TMEM245: variants seen among roughly 807,000 people sequenced by gnomAD.
TMEM245 encodes transmembrane protein 245, also known as protein CG-2.
Under a neutral mutation model 101.2 loss-of-function variants are expected in TMEM245, and 69 were observed. The ratio of observed to expected loss-of-function variants is 0.68; its 90% confidence interval spans 0.56 to 0.83. TMEM245 has a LOEUF of 0.83. Ranked by LOEUF, TMEM245 falls within the 40% of genes least tolerant of loss-of-function variation. TMEM245 has a pLI of 0.00. For synonymous variants in TMEM245, 537 were observed against 449.8 expected (o/e 1.19, Z -2.45); for missense variants, 1,075 against 1,092.8 (o/e 0.98, Z 0.23).
chr9:109,038,497 G>T (rs544573926), intron 14 of TMEM245: 33 of 167,888 alleles, frequency 2.0e-4, no homozygotes, highest in Non-Finnish European at 3.2e-4. Context: ...ATGTTTCCAA[G>T]AATACAGTTT....
At chr9:109,025,871 A>G (rs1413810651) in intron 17 of TMEM245, among the ~76,000 whole-genome samples, 1 of 152,252 alleles carries the variant, frequency 6.6e-6, no homozygotes, top group African/African-American at 2.4e-5. Context: ...TATCCACTAC[A>G]TTCTCACTAT....
At chr9:109,090,901 C>A in intron 5 of TMEM245, 21 bp downstream of exon 5, 1 of 1,602,028 alleles carries the variant, frequency 6.2e-7, no homozygotes, top group South Asian at 1.1e-5. Context: ...AAGACGAGAT[C>A]GTACTTAACC....
Position 109,038,111 on chromosome 9 carries a change from C to T in TMEM245, c.2130G>A (p.Val710=), listed in dbSNP as rs1828193294. The change falls in exon 15 of 18, where the codon GTG becomes GTA. Residue 710 remains valine (V), a synonymous_variant. Transcript: ENST00000374586. ...CAGCCATTTTGAGGGAAGCATCAAA[C>T]ACCCCTCTGGAATGCCCAAAGATAA... The part of the protein sequence containing the change: ...GQSVEEAIRG[V]FDASLKMAGF... 1.2e-6 allele frequency: 2 copies of T among 1,612,290 alleles called. No homozygotes were observed. Among genetic ancestry groups the T allele is most frequent in the Non-Finnish European group, 1.7e-6 (2 of 1,179,072 alleles).
intron 14 of TMEM245, 133 bp from the exon 15 acceptor site, chr9:109,038,250 C>T: frequency 1.9e-6 from 1 of 522,974 alleles, no homozygotes; most frequent in South Asian, 3.6e-5. Context: ...ATGCTATTTT[C>T]ATTTTATTTC....
At chr9:109,052,959 GA>G (rs1417144120) in intron 12 of TMEM245, among the ~76,000 whole-genome samples, 2 of 152,052 alleles carry the variant, frequency 1.3e-5, no homozygotes, top group Non-Finnish European at 2.9e-5. Context: ...AAAAGAAAGG[GA>G]ATCAACTGGA....
At chr9:109,024,867 G>A (rs1827749027) in intron 17 of TMEM245, among the ~76,000 whole-genome samples, 1 of 152,234 alleles carries the variant, frequency 6.6e-6, no homozygotes, top group Non-Finnish European at 1.5e-5. Flanking sequence ...TATCTTGAAG[G>A]CCATGGGAAG....
intron 17 of TMEM245, among the ~76,000 whole-genome samples, chr9:109,025,384 G>T (rs866028859): frequency 6.6e-5 from 10 of 152,164 alleles, no homozygotes; most frequent in South Asian, 2.1e-4. Context: ...ACTCATTTTT[G>T]ATTGTACTTT....
chr9:109,066,748 T>C (rs768788081), intron 9 of TMEM245, among the ~76,000 whole-genome samples: 1 of 151,868 alleles, frequency 6.6e-6, no homozygotes, highest in African/African-American at 2.4e-5. Context: ...CACTCTCCTG[T>C]AGTGTTATTC....
Position 109,033,290 on chromosome 9 carries a change from A to G in TMEM245, c.2594+17T>C. 6.3e-7 allele frequency: 1 copy of G among 1,579,678 alleles called. No individual in the cohort carries two copies. The highest frequency in any genetic ancestry group is 2.2e-5 in the East Asian group (1 of 44,654). ...CAATGTATAAATACAGCTTATGATT[A>G]TTCTGCTTTAACTCACCGCTGAGGC... On this transcript the variant is annotated intron_variant, in intron 17 of 17. Transcript: ENST00000374586.
intron 3 of TMEM245, among the ~76,000 whole-genome samples, chr9:109,104,242 A>T (rs1017741032): frequency 2.6e-5 from 4 of 152,186 alleles, no homozygotes; most frequent in African/African-American, 7.2e-5. Context: ...TGGATACCCC[A>T]TTTTACTTGA....
At chr9:109,050,189 A>G in intron 14 of TMEM245, 94 bp downstream of exon 14, 2 of 1,427,160 alleles carry the variant, frequency 1.4e-6, no homozygotes, top group Admixed American at 3.8e-5. Context: ...CGAGTTTAGC[A>G]CTGAATGTTA....
chr9:109,081,913 TG>T (rs1829676466), intron 7 of TMEM245, among the ~76,000 whole-genome samples: 1 of 152,074 alleles, frequency 6.6e-6, no homozygotes, highest in African/African-American at 2.4e-5. Context: ...AATATATACT[TG>T]ATAGATTGCT....
intron 9 of TMEM245, among the ~76,000 whole-genome samples, chr9:109,071,961 T>C (rs1829348790): frequency 6.6e-6 from 1 of 152,194 alleles, no homozygotes; most frequent in African/African-American, 2.4e-5. Context: ...GAACATATAA[T>C]CTCTGCCACA....
At chr9:109,101,258 A>C (rs551062802) in intron 3 of TMEM245, among the ~76,000 whole-genome samples, 1 of 152,364 alleles carries the variant, frequency 6.6e-6, no homozygotes, top group African/African-American at 2.4e-5. Context: ...CAAAGCTCAG[A>C]AGACATAGAG....
intron 3 of TMEM245, among the ~76,000 whole-genome samples, chr9:109,095,032 A>AC (rs1427975101): frequency 1.3e-5 from 2 of 152,160 alleles, no homozygotes; most frequent in Non-Finnish European, 2.9e-5. Context: ...AAGAGTACTC[A>AC]CCTTGCTCAG....
intron 8 of TMEM245, among the ~76,000 whole-genome samples, chr9:109,074,461 C>G (rs140573018): frequency 5.3e-4 from 80 of 152,152 alleles, no homozygotes; most frequent in African/African-American, 1.4e-3. Context: ...TTACGATTCA[C>G]GAGTAACAGG....
chr9:109,060,087 T>A (rs147445964), intron 11 of TMEM245, among the ~76,000 whole-genome samples: 5 of 152,198 alleles, frequency 3.3e-5, no homozygotes, highest in African/African-American at 1.2e-4. Flanking sequence ...GCATTACACT[T>A]CTCCCGCACA....
chr9:109,036,244 T>A lies in TMEM245; in HGVS notation c.2361A>T (p.Thr787=). 6.2e-7 allele frequency: 1 copy of A among 1,613,408 alleles called. No individual in the cohort carries two copies. The highest frequency in any genetic ancestry group is 8.5e-7 in the Non-Finnish European group (1 of 1,179,904). ...ILLLIFHLLP[T]YFVDTAIYSD... is the part of the protein sequence containing the mutation. Reference sequence around the variant, plus strand: ...AGTAGATTGCAGTATCTACAAAGTATGTTGGCAAGAGATGAAAAATCAACA... The same window carrying A: ...AGTAGATTGCAGTATCTACAAAGTAAGTTGGCAAGAGATGAAAAATCAACA... The change falls in exon 16 of 18, where the codon ACA becomes ACT. Residue 787 remains threonine (T), a synonymous_variant. Coordinates refer to ENST00000374586, the MANE Select transcript of TMEM245 (RefSeq NM_032012.4).
chr9:109,036,361 T>C lies in TMEM245; in HGVS notation c.2244A>G (p.Gly748=). 6.3e-7 allele frequency: 1 copy of C among 1,598,638 alleles called. No individual in the cohort carries two copies. The highest frequency in any genetic ancestry group is 8.5e-7 in the Non-Finnish European group (1 of 1,176,182). Residue 748 remains glycine, a synonymous_variant, in exon 16 of 18, where the codon GGA becomes GGG. Transcript: ENST00000374586. ...AGTATGTCCCCAGGAATGGCACTGC[T>C]CCAAGGATTGCTGCTAATGCTGAAA... ...FIPSALAAIL[G]AVPFLGTYWA...
Sources: allele counts gnomAD v4.1 joint callset (sites outside exome capture counted in the v4.1 genomes callset), GRCh38; gene constraint gnomAD v4.1.1; transcripts MANE v1.5; gene names NCBI Gene and HGNC (gene_info 2026-07-23, HGNC 2026-07-21).